ZFYVE26: variants seen among roughly 807,000 people sequenced by gnomAD.
The protein encoded by ZFYVE26 is zinc finger FYVE domain-containing protein 26.
In ZFYVE26, 181 loss-of-function variants were observed where a neutral mutation model predicts 276.5. The observed-to-expected ratio is 0.65, with a 90% CI of 0.58 to 0.74. The LOEUF is 0.74. Among genes scored for constraint, ZFYVE26 ranks in the 30% least tolerant of loss-of-function variants. ZFYVE26 has a pLI of 0.00. For synonymous variants in ZFYVE26, 1,129 were observed against 1,203.1 expected (o/e 0.94, Z 1.27); for missense variants, 2,821 against 3,097.9 (o/e 0.91, Z 2.12).
intron 41 of ZFYVE26, 151 bp from the exon 42 acceptor site, chr14:67,748,790 C>T (rs72723173): frequency 1.2e-6 from 1 of 811,230 alleles, no homozygotes; most frequent in Non-Finnish European, 2.1e-6. Flanking sequence ...ATTATAACAA[C>T]TCTTTCAATA....
intron 40 of ZFYVE26, 53 bp from the exon 41 acceptor site, chr14:67,751,149 G>A: frequency 6.2e-7 from 1 of 1,607,764 alleles, no homozygotes; most frequent in Non-Finnish European, 8.5e-7. Context: ...CGCAGTCTGG[G>A]AGCCAGGGCC....
rs1317297430 is a variant in ZFYVE26, at chr14:67,754,016, T to C, written c.7128+55A>G. 3 of 1,612,880 alleles carry C rather than the reference T, an allele frequency of 1.9e-6. No homozygotes were observed. The African/African-American group carries it at 4.0e-5, about 22-fold the overall frequency. On this transcript the variant is annotated intron_variant, in intron 38 of 41. Transcript: ENST00000347230. ...AATCACTAGACAACTGCAATTATGATAAGTGTTCTAAAAGATGACAATAGT... is the reference window on the plus strand; with the variant it reads ...AATCACTAGACAACTGCAATTATGACAAGTGTTCTAAAAGATGACAATAGT...
chr14:67,787,518 C>G (rs2039689352), intron 16 of ZFYVE26, among the ~76,000 whole-genome samples: 1 of 152,116 alleles, frequency 6.6e-6, no homozygotes, highest in Admixed American at 6.5e-5. Context: ...GATGGATACT[C>G]AATTTTCCAT....
At chr14:67,798,722 T>C in intron 10 of ZFYVE26, 100 bp from the exon 11 acceptor site, 2 of 1,447,350 alleles carry the variant, frequency 1.4e-6, no homozygotes, top group South Asian at 1.2e-5. Flanking sequence ...CTCGCAACTT[T>C]AGCTCATTTA....
At position 67,768,559 on chromosome 14, in the gene ZFYVE26, A is replaced by G. The variant is rs772119610; in HGVS notation, c.5622-11T>C. The G allele has an allele frequency of 4.1e-5, 66 of 1,614,036 alleles. No individual in the cohort carries two copies. The highest frequency in any genetic ancestry group is 8.9e-5 in the East Asian group (4 of 44,882). ...GGCTCCTCTGGTACACTGAAAACAG[A>G]GAAAGAAAAATTATTAAATAAATGC... On this transcript the variant is annotated splice_polypyrimidine_tract_variant and intron_variant, in intron 29 of 41. Coordinates refer to ENST00000347230, the MANE Select transcript of ZFYVE26 (RefSeq NM_015346.4).
chr14:67,790,490 G>A, intron 15 of ZFYVE26, 82 bp downstream of exon 15: 1 of 1,447,140 alleles, frequency 6.9e-7, no homozygotes, highest in South Asian at 1.1e-5. Flanking sequence ...CTCATGAGGA[G>A]CCTAGGATTT....
At chr14:67,733,955 C>A in intron 13 of ZFYVE26, 3 of 761,922 alleles carry the variant, frequency 3.9e-6, no homozygotes, top group Non-Finnish European at 6.9e-6. Flanking sequence ...GCTGGTGCTG[C>A]GAATCCTGCC....
At chr14:67,753,044 T>C (rs937485427) in intron 39 of ZFYVE26, among the ~76,000 whole-genome samples, 1 of 152,126 alleles carries the variant, frequency 6.6e-6, no homozygotes, top group Non-Finnish European at 1.5e-5. Flanking sequence ...TATCTGTGTG[T>C]GGTGAGCTCT....
In ZFYVE26 at chr14:67,747,285, A is replaced by G. The variant is rs2038508518; in HGVS notation, c.*1151T>C. ...ACCAACCAGATGTGACCTATTCATTATTCCCTCATTCTGACTCTGTCCAGA... is the reference window on the plus strand; with the variant it reads ...ACCAACCAGATGTGACCTATTCATTGTTCCCTCATTCTGACTCTGTCCAGA... On this transcript the variant is annotated 3_prime_UTR_variant, in exon 42 of 42. Coordinates refer to ENST00000347230, the MANE Select transcript of ZFYVE26 (RefSeq NM_015346.4). 6.6e-6 allele frequency: 1 copy of G among 152,232 alleles called. No homozygotes were observed. The highest frequency in any genetic ancestry group is 1.5e-5 in the Non-Finnish European group (1 of 68,058). The allele number at this position is 152,232 out of a possible 1,614,324, so 9.4% of individuals were successfully genotyped here. A position where few individuals can be genotyped will look rare whatever the true frequency, so the allele number is the denominator to read the frequency against.
chr14:67,798,177 T>C lies in ZFYVE26; in HGVS notation c.2085A>G (p.Gln695=). 6.2e-7 allele frequency: 1 copy of C among 1,614,220 alleles called. No individual in the cohort carries two copies. The highest frequency in any genetic ancestry group is 2.2e-5 in the East Asian group (1 of 44,888). The change falls in exon 11 of 42, where the codon CAA becomes CAG. Residue 695 remains glutamine, a synonymous_variant. Coordinates refer to ENST00000347230, the MANE Select transcript of ZFYVE26 (RefSeq NM_015346.4). The stretch of plus-strand genomic sequence containing the variant: ...GGCTGCGGCTACTGATCTCATCCAG[T>C]TGCTCTTGGAGAAGCCTGAGGAAGG... ...IGAFLRLLQE[Q]LDEISSRSPP...
intron 41 of ZFYVE26, among the ~76,000 whole-genome samples, chr14:67,749,806 T>C (rs1424253273): frequency 5.9e-5 from 9 of 152,178 alleles, no homozygotes; most frequent in Non-Finnish European, 1.3e-4. Context: ...TCAGCTCCCC[T>C]TAGCATCTAT....
At chr14:67,781,017 C>T (rs1009821338) in intron 22 of ZFYVE26, among the ~76,000 whole-genome samples, 1 of 152,098 alleles carries the variant, frequency 6.6e-6, no homozygotes. Flanking sequence ...TTATAGAAGA[C>T]ACAATATACA....
chr14:67,782,246 A>C (rs2039519693), intron 21 of ZFYVE26, among the ~76,000 whole-genome samples: 1 of 152,156 alleles, frequency 6.6e-6, no homozygotes, highest in South Asian at 2.1e-4. Context: ...TTTCCTGGGG[A>C]GCTTTCAAAG....
At chr14:67,764,702 G>T (rs1406539940) in intron 32 of ZFYVE26, among the ~76,000 whole-genome samples, 2 of 152,212 alleles carry the variant, frequency 1.3e-5, no homozygotes, top group Admixed American at 1.3e-4. Context: ...CTTAGAGTGG[G>T]CGTGTCTGAA....
intron 23 of ZFYVE26, among the ~76,000 whole-genome samples, chr14:67,779,602 T>C (rs2039442224): frequency 6.6e-6 from 1 of 151,910 alleles, no homozygotes; most frequent in Non-Finnish European, 1.5e-5. Context: ...AAAGGTGACA[T>C]GGTTATGGAA....
chr14:67,734,153 G>A lies in ZFYVE26; in HGVS notation n.2680-4334C>T, dbSNP rs1212898498. ...GCATGGGGGTGGCAGAAGAGCCCGA[G>A]AAATTGGGTCAGTTCCCTCATCAGC... On this transcript the variant is annotated intron_variant and non_coding_transcript_variant, in intron 13 of 14. Coordinates refer to the ZFYVE26 transcript ENST00000394455. 1 of 332,992 alleles carries A rather than the reference G, an allele frequency of 3.0e-6. No individual in the cohort carries two copies. Among genetic ancestry groups the A allele is most frequent in the Non-Finnish European group, 5.9e-6 (1 of 169,568 alleles). The allele number at this position is 332,992 out of a possible 1,614,324, so 20.6% of individuals were successfully genotyped here.
rs34957012 is a variant in ZFYVE26 at position 67,799,683 on chromosome 14, GGCA to G, written c.1640-1064_1640-1062del. On this transcript the variant is annotated intron_variant, in intron 10 of 41. Transcript: ENST00000347230. Reference sequence around the variant, plus strand: ...AGGCAAGGTGCTGGCAAGATTTGAAGGCAAAAGTCAACTCAACTCTTGAGAAAA... The same window carrying G: ...AGGCAAGGTGCTGGCAAGATTTGAAGAAAGTCAACTCAACTCTTGAGAAAA... 15,599 of 1,093,532 alleles carry G rather than the reference GGCA, an allele frequency of 0.014. 1,287 individuals carry two copies. The African/African-American group carries it at 0.2, about 14-fold the overall frequency. 67.7% of individuals were successfully genotyped at this position (1,093,532 alleles called of 1,614,324 possible). A position where few individuals can be genotyped will look rare whatever the true frequency, so the allele number is the denominator to read the frequency against.
chr14:67,747,842 C>T lies in ZFYVE26; in HGVS notation c.*594G>A, dbSNP rs1189535429. The T allele has an allele frequency of 3.2e-5, 5 of 157,042 alleles. No individual in the cohort carries two copies. The highest frequency in any genetic ancestry group is 1.9e-4 in the East Asian group (1 of 5,330). The allele number at this position is 157,042 out of a possible 1,614,324, so 9.7% of individuals were successfully genotyped here. A position where few individuals can be genotyped will look rare whatever the true frequency, so the allele number is the denominator to read the frequency against. ...CTTCTTGTGCTTGGGAGAAGAGACA[C>T]CTGGAAAACAGGTTTATTCCACAGG... is the stretch of plus-strand genomic sequence containing the variant. On this transcript the variant is annotated 3_prime_UTR_variant, in exon 42 of 42. Transcript: ENST00000347230.
chr14:67,781,458 C>T lies in ZFYVE26; in HGVS notation c.4444G>A (p.Val1482Met). Residue 1482 changes from valine to methionine, a missense_variant, in exon 22 of 42, where the codon GTG becomes ATG. By Grantham distance (21) the Val-to-Met change is conservative. Transcript: ENST00000347230. ...CATGACTCCAGGGGCCACCTGTCCA[C>T]AAACTGTAGGGCCAGCCGACTTCTC... ...SLRSRLALQFVDRWPLESCLE... is the reference protein window; with the variant it reads ...SLRSRLALQFMDRWPLESCLE... The T allele has an allele frequency of 1.2e-6, 2 of 1,614,204 alleles. No individual in the cohort carries two copies. The highest frequency in any genetic ancestry group is 1.7e-6 in the Non-Finnish European group (2 of 1,180,044).
Sources: allele counts gnomAD v4.1 joint callset (sites outside exome capture counted in the v4.1 genomes callset), GRCh38; gene constraint gnomAD v4.1.1; transcripts MANE v1.5; gene names NCBI Gene and HGNC (gene_info 2026-07-23, HGNC 2026-07-21).